Variants in PPM1H observed in about 807,000 individuals in gnomAD.
PPM1H encodes the protein protein phosphatase 1H.
Under a neutral mutation model 54.9 loss-of-function variants are expected in PPM1H, and 27 were observed. The observed-to-expected ratio is 0.49, with a 90% CI of 0.36 to 0.68. The LOEUF (loss-of-function observed/expected upper bound fraction) is 0.68. Among genes scored for constraint, PPM1H ranks in the 30% least tolerant of loss-of-function variants. The pLI is 0.00. For synonymous variants in PPM1H, 305 were observed against 270.8 expected, an observed-to-expected ratio of 1.13 and a Z score of -1.24; for missense variants, 596 against 667.8, an observed-to-expected ratio of 0.89 and a Z score of 1.19.
At chr12:62,729,752 G>C (rs550147882) in intron 5 of PPM1H, among the ~76,000 whole-genome samples, 1 of 152,306 alleles carries the variant, frequency 6.6e-6, no homozygotes, top group Non-Finnish European at 1.5e-5. Context: ...TTAAGTCTGC[G>C]AAATTCATCC....
chr12:62,755,176 A>C, intron 4 of PPM1H: 1 of 563,476 alleles, frequency 1.8e-6, no homozygotes, highest in Non-Finnish European at 3.3e-6. Flanking sequence ...CCCATTTGAC[A>C]GACAGCCGCC....
At chr12:62,673,435 T>C (rs928218327) in intron 8 of PPM1H, among the ~76,000 whole-genome samples, 4 of 152,232 alleles carry the variant, frequency 2.6e-5, no homozygotes, top group African/African-American at 9.6e-5. Context: ...ACCTATAAGC[T>C]GACTCTGGCT....
At chr12:62,763,075 C>T (rs1188099839) in intron 4 of PPM1H, among the ~76,000 whole-genome samples, 1 of 152,140 alleles carries the variant, frequency 6.6e-6, no homozygotes. Flanking sequence ...AAGTGATGGT[C>T]CCGAAGTCCC....
At chr12:62,750,067 CAAA>C (rs10564133) in intron 4 of PPM1H, among the ~76,000 whole-genome samples, 87,682 of 145,232 alleles carry the variant, frequency 0.6, 25,677 homozygotes, top group East Asian at 0.75. Flanking sequence ...TATCATTTCT[CAAA>C]AAAAAAAAAA....
chr12:62,694,408 T>C (rs1326018376), intron 6 of PPM1H, among the ~76,000 whole-genome samples: 1 of 152,206 alleles, frequency 6.6e-6, no homozygotes, highest in African/African-American at 2.4e-5. Flanking sequence ...AGGGGTTGTT[T>C]ATACCAAAAC....
At chr12:62,672,031 T>C (rs989062315) in intron 8 of PPM1H, among the ~76,000 whole-genome samples, 4 of 152,200 alleles carry the variant, frequency 2.6e-5, no homozygotes, top group African/African-American at 4.8e-5. Flanking sequence ...AGGGTTGGCA[T>C]TGTTTTTTTC....
intron 2 of PPM1H, among the ~76,000 whole-genome samples, chr12:62,816,116 T>G (rs906997880): frequency 1.3e-5 from 2 of 152,198 alleles, no homozygotes; most frequent in Admixed American, 1.3e-4. Flanking sequence ...GATGTCTGAC[T>G]TTCTCAAAGA....
At chr12:62,683,954 C>T (rs2076037502) in intron 8 of PPM1H, among the ~76,000 whole-genome samples, 2 of 152,172 alleles carry the variant, frequency 1.3e-5, no homozygotes, top group Non-Finnish European at 1.5e-5. Flanking sequence ...GAGATGTGTG[C>T]TGGACTGGGA....
In PPM1H at chr12:62,788,636, T is replaced by A. The variant is rs371604412; in HGVS notation, c.757-298A>T. On this transcript the variant is annotated intron_variant, in intron 3 of 9. Transcript: ENST00000228705. Reference sequence around the variant, plus strand: ...TGTATTCAGTAAATATCACAGCTTATGGAAAATTTAGTCTTTGTGGATTGC... The same window carrying A: ...TGTATTCAGTAAATATCACAGCTTAAGGAAAATTTAGTCTTTGTGGATTGC... 3.3e-5 allele frequency among the ~76,000 whole-genome samples: 5 copies of A among 152,364 alleles called. No individual in the cohort carries two copies. In the East Asian group the frequency reaches 7.7e-4, roughly 23 times the overall value.
intron 4 of PPM1H, among the ~76,000 whole-genome samples, chr12:62,750,781 A>G (rs2076438774): frequency 6.6e-6 from 1 of 152,210 alleles, no homozygotes; most frequent in African/African-American, 2.4e-5. Flanking sequence ...CTAGATTCAG[A>G]TCTGAAAATC....
intron 9 of PPM1H, among the ~76,000 whole-genome samples, chr12:62,662,673 A>G (rs1413924589): frequency 1.3e-5 from 2 of 152,228 alleles, no homozygotes. Context: ...CAACTCGGGA[A>G]GTAATTATAG....
At chr12:62,659,098 C>T (rs2075864687) in intron 9 of PPM1H, 4 of 731,236 alleles carry the variant, frequency 5.5e-6, no homozygotes, top group Non-Finnish European at 1.0e-5. Flanking sequence ...TGCAACAAAT[C>T]TTACTGTGCT....
intron 8 of PPM1H, among the ~76,000 whole-genome samples, chr12:62,670,292 A>G (rs1371193335): frequency 1.3e-5 from 2 of 152,056 alleles, no homozygotes; most frequent in Admixed American, 1.3e-4. Context: ...CTAGCTTCTT[A>G]TTGGGTTATA....
At chr12:62,895,678 C>T (rs373717760) in intron 1 of PPM1H, among the ~76,000 whole-genome samples, 3 of 152,106 alleles carry the variant, frequency 2.0e-5, no homozygotes, top group African/African-American at 4.8e-5. Flanking sequence ...TCTCTTCATT[C>T]CTGCAATAAC....
chr12:62,733,136 A>G (rs73312469), intron 5 of PPM1H, among the ~76,000 whole-genome samples: 50 of 152,320 alleles, frequency 3.3e-4, no homozygotes, highest in African/African-American at 1.2e-3. Flanking sequence ...TCAGGAAGAA[A>G]GGAGATTCAG....
chr12:62,696,746 G>T (rs1413828045), intron 6 of PPM1H, among the ~76,000 whole-genome samples: 2 of 152,122 alleles, frequency 1.3e-5, no homozygotes, highest in East Asian at 1.9e-4. Flanking sequence ...TCTCTCAATG[G>T]CCTTATAATG....
chr12:62,658,634 G>T (rs2075861547), intron 9 of PPM1H, among the ~76,000 whole-genome samples: 1 of 152,074 alleles, frequency 6.6e-6, no homozygotes, highest in Non-Finnish European at 1.5e-5. Flanking sequence ...GGAACCAGAG[G>T]ACTGTGCAGC....
intron 1 of PPM1H, among the ~76,000 whole-genome samples, chr12:62,847,830 T>G (rs1321509782): frequency 6.6e-6 from 1 of 152,142 alleles, no homozygotes; most frequent in Non-Finnish European, 1.5e-5. Flanking sequence ...TGTTCAGAAA[T>G]CTAGCAACTG....
rs1019987462 is a variant in PPM1H at position 62,644,406 on chromosome 12, A to G, written c.*4083T>C. 2.0e-5 allele frequency: 3 copies of G among 152,246 alleles called. No individual in the cohort carries two copies. The highest frequency in any genetic ancestry group is 4.4e-5 in the Non-Finnish European group (3 of 68,044). 9.4% of individuals were successfully genotyped at this position (152,246 alleles called of 1,614,324 possible). ...TTGTGGGAGATCAGAAAAGTAGAGGACACAGGTTCTCCTTCAAGTACATCA... is the reference window on the plus strand; with the variant it reads ...TTGTGGGAGATCAGAAAAGTAGAGGGCACAGGTTCTCCTTCAAGTACATCA... On this transcript the variant is annotated 3_prime_UTR_variant, in exon 10 of 10. Transcript: ENST00000228705.
Sources: gnomAD v4.1 joint callset for allele counts (sites outside exome capture counted in the v4.1 genomes callset) on GRCh38, gnomAD v4.1.1 for gene constraint, MANE v1.5 for transcripts, NCBI Gene and HGNC (gene_info 2026-07-23, HGNC 2026-07-21) for gene names.